APP: variants seen among roughly 807,000 people sequenced by gnomAD.
The protein encoded by APP is amyloid beta precursor protein.
APP carries 31 observed loss-of-function variants against 101.4 expected under a neutral mutation model. The ratio of observed to expected loss-of-function variants is 0.31; its 90% CI spans 0.23 to 0.41. The LOEUF is 0.41. Ranked by LOEUF, APP falls within the 10% of genes least tolerant of loss-of-function variation. The pLI, the probability that APP is intolerant of heterozygous loss-of-function variation, is 1.00. For missense variants in APP, 839 were observed against 1,003.7 expected (o/e 0.84, Z 2.22); for synonymous variants, 366 against 364.4 (o/e 1.00, Z -0.05).
At chr21:25,914,326 T>G (rs1569048134) in intron 13 of APP, among the ~76,000 whole-genome samples, 1 of 151,908 alleles carries the variant, frequency 6.6e-6, no homozygotes, top group African/African-American at 2.4e-5. Flanking sequence ...CTTGCTATGG[T>G]CTGAATGTCC....
chr21:26,048,217 G>T (rs2045691274), intron 5 of APP, among the ~76,000 whole-genome samples: 2 of 152,188 alleles, frequency 1.3e-5, no homozygotes, highest in East Asian at 1.9e-4. Flanking sequence ...CAGCTACTTA[G>T]GAGGCTGAGG....
intron 8 of APP, among the ~76,000 whole-genome samples, chr21:25,983,228 C>T (rs2042507885): frequency 1.3e-5 from 2 of 152,140 alleles, no homozygotes; most frequent in South Asian, 4.1e-4. Context: ...AATACCTATA[C>T]AAGCAATTTT....
chr21:26,026,518 G>T (rs185787614), intron 5 of APP, among the ~76,000 whole-genome samples: 1 of 151,836 alleles, frequency 6.6e-6, no homozygotes, highest in South Asian at 2.1e-4. Flanking sequence ...TGCAGGTGCC[G>T]CCTGATAAGT....
In APP at chr21:26,081,077, TTC is replaced by T. The variant is rs2061589599; in HGVS notation, c.355+8864_355+8865del. Among the ~76,000 whole-genome samples, 3 of 152,240 alleles carry T rather than the reference TTC, an allele frequency of 2.0e-5. No individual in the cohort carries two copies. The South Asian group carries it at 6.2e-4, about 32-fold the overall frequency. Reference sequence around the variant, plus strand: ...TGAATCTTCTTTTACCACATCAAAATTCTGATTCTCAAATACATGGGATGATT... The same window carrying T: ...TGAATCTTCTTTTACCACATCAAAATTGATTCTCAAATACATGGGATGATT... On this transcript the variant is annotated intron_variant, in intron 3 of 17. Coordinates refer to ENST00000346798, the MANE Select transcript of APP (RefSeq NM_000484.4).
At chr21:26,044,680 C>G (rs886065699) in intron 5 of APP, among the ~76,000 whole-genome samples, 3 of 152,148 alleles carry the variant, frequency 2.0e-5, no homozygotes, top group Non-Finnish European at 4.4e-5. Flanking sequence ...GCTGGGATTA[C>G]AGGCATGCGC....
At position 25,881,467 on chromosome 21, in the gene APP, A is replaced by T; in HGVS notation, c.*203T>A. The T allele has an allele frequency of 1.6e-6, 1 of 644,380 alleles. No homozygotes were observed. Among genetic ancestry groups the T allele is most frequent in the Non-Finnish European group, 2.7e-6 (1 of 363,674 alleles). The allele number at this position is 644,380 out of a possible 1,614,324, so 39.9% of individuals were successfully genotyped here. A position where few individuals can be genotyped will look rare whatever the true frequency, so the allele number is the denominator to read the frequency against. ...TAATGTAGTATAGAGACCAAAATGTAAAGAGAGATAGAATACATTACTGAT... is the reference window on the plus strand; with the variant it reads ...TAATGTAGTATAGAGACCAAAATGTTAAGAGAGATAGAATACATTACTGAT... On this transcript the variant is annotated 3_prime_UTR_variant, in exon 18 of 18. Coordinates refer to ENST00000346798, the MANE Select transcript of APP (RefSeq NM_000484.4).
chr21:26,090,785 A>G, intron 2 of APP, among the ~76,000 whole-genome samples: 1 of 152,234 alleles, frequency 6.6e-6, no homozygotes, highest in East Asian at 1.9e-4. Context: ...GACACATAGA[A>G]AGCTTTCTAT....
intron 5 of APP, among the ~76,000 whole-genome samples, chr21:26,039,000 T>C (rs1317103655): frequency 1.3e-5 from 2 of 152,358 alleles, no homozygotes; most frequent in Admixed American, 1.3e-4. Flanking sequence ...TTTGAAGATA[T>C]TTTTGAAGCA....
intron 2 of APP, among the ~76,000 whole-genome samples, chr21:26,111,137 C>T (rs1471978318): frequency 3.9e-5 from 5 of 127,538 alleles, no homozygotes; most frequent in Non-Finnish European, 8.3e-5. Context: ...GAACTTTGTA[C>T]TTTTTTTGTA....
chr21:25,899,310 A>G (rs2038283206), intron 15 of APP, among the ~76,000 whole-genome samples: 1 of 152,176 alleles, frequency 6.6e-6, no homozygotes, highest in Non-Finnish European at 1.5e-5. Flanking sequence ...AGTTTAAAAT[A>G]TATCCACAAA....
chr21:26,052,810 AAAC>A (rs1246823951), intron 4 of APP, among the ~76,000 whole-genome samples: 2 of 152,236 alleles, frequency 1.3e-5, no homozygotes, highest in South Asian at 2.1e-4. Context: ...TGACAAAAGA[AAAC>A]AACAGGTGCA....
Position 25,880,609 on chromosome 21 carries a change from C to T in APP, c.*1061G>A, listed in dbSNP as rs199913244. 1.3e-5 allele frequency: 2 copies of T among 152,208 alleles called. No individual in the cohort carries two copies. The highest frequency in any genetic ancestry group is 6.5e-5 in the Admixed American group (1 of 15,286). The allele number at this position is 152,208 out of a possible 1,614,324, so 9.4% of individuals were successfully genotyped here. A position where few individuals can be genotyped will look rare whatever the true frequency, so the allele number is the denominator to read the frequency against. On this transcript the variant is annotated 3_prime_UTR_variant, in exon 18 of 18. Coordinates refer to ENST00000346798, the MANE Select transcript of APP (RefSeq NM_000484.4). ...CACCATTTTATACAAATTGAAGACA[C>T]ATCTTAAAAGAAGGGTTTGTCCAGG...
intron 11 of APP, among the ~76,000 whole-genome samples, chr21:25,958,561 G>GAGCC (rs1569106825): frequency 1.9e-4 from 29 of 152,242 alleles, no homozygotes; most frequent in Non-Finnish European, 4.0e-4. Flanking sequence ...ACAGGCGTGC[G>GAGCC]ACCAGTGCAC....
chr21:25,979,314 C>A (rs2042337675), intron 9 of APP, among the ~76,000 whole-genome samples: 1 of 152,198 alleles, frequency 6.6e-6, no homozygotes, highest in South Asian at 2.1e-4. Flanking sequence ...CTGGCCCTTG[C>A]AGTGGCTCTA....
chr21:26,086,299 A>C (rs1489236250), intron 3 of APP, among the ~76,000 whole-genome samples: 3 of 152,230 alleles, frequency 2.0e-5, no homozygotes, highest in Non-Finnish European at 4.4e-5. Context: ...CTTATTCTCA[A>C]GGGAAATTAT....
chr21:25,906,771 T>C (rs2038813282), intron 14 of APP, among the ~76,000 whole-genome samples: 2 of 152,140 alleles, frequency 1.3e-5, no homozygotes, highest in Non-Finnish European at 2.9e-5. Context: ...TTCCTGATGA[T>C]GAGGGACCCA....
At chr21:26,051,671 A>T (rs965572734) in intron 4 of APP, among the ~76,000 whole-genome samples, 1 of 152,200 alleles carries the variant, frequency 6.6e-6, no homozygotes, top group Non-Finnish European at 1.5e-5. Flanking sequence ...TCAGAGTAAC[A>T]ATCCTGGGAA....
At chr21:26,014,010 T>A (rs2043938004) in intron 6 of APP, among the ~76,000 whole-genome samples, 2 of 33,514 alleles carry the variant, frequency 6.0e-5, no homozygotes, top group African/African-American at 2.5e-4. Context: ...TTAGCAAGCA[T>A]GCTACAACCC....
intron 13 of APP, among the ~76,000 whole-genome samples, chr21:25,932,562 T>G (rs1041681360): frequency 6.6e-6 from 1 of 152,194 alleles, no homozygotes; most frequent in African/African-American, 2.4e-5. Flanking sequence ...ATCCCCACAC[T>G]TTCCAGTCTT....
Sources: allele counts gnomAD v4.1 joint callset (sites outside exome capture counted in the v4.1 genomes callset), GRCh38; gene constraint gnomAD v4.1.1; transcripts MANE v1.5; gene names NCBI Gene and HGNC (gene_info 2026-07-23, HGNC 2026-07-21).